The following KLHL1 variants were observed in gnomAD, a reference collection of about 807,000 sequenced individuals.
KLHL1 encodes kelch-like protein 1.
Under a neutral mutation model 77.7 loss-of-function variants are expected in KLHL1, and 47 were observed. That is an observed-to-expected ratio of 0.60 (90% CI 0.48 to 0.77). The LOEUF (loss-of-function observed/expected upper bound fraction) is 0.77, where lower values mean the gene tolerates loss of function less well. KLHL1 is among the 30% of genes least tolerant of loss of function. The probability of loss-of-function intolerance (pLI) is 0.00; values close to 1 mark genes in which losing one functional copy is unlikely to be tolerated. For missense variants in KLHL1, 925 were observed against 910.8 expected, an observed-to-expected ratio of 1.02 and a Z score of -0.20; for synonymous variants, 360 against 325.2, an observed-to-expected ratio of 1.11 and a Z score of -1.15.
intron 5 of KLHL1, among the ~76,000 whole-genome samples, chr13:69,872,656 G>A (rs1000528851): frequency 2.0e-5 from 3 of 152,186 alleles, no homozygotes; most frequent in Non-Finnish European, 4.4e-5. Context: ...AATACTCCCA[G>A]TGGCCTCCTT....
intron 1 of KLHL1, among the ~76,000 whole-genome samples, chr13:70,018,734 A>AT (rs568605873): frequency 6.7e-6 from 1 of 149,900 alleles, no homozygotes; most frequent in Non-Finnish European, 1.5e-5. Flanking sequence ...AGAGGTCTAG[A>AT]TTTTTCCTTA....
At chr13:69,780,729 T>TAC (rs1413040099) in intron 7 of KLHL1, among the ~76,000 whole-genome samples, 7 of 67,640 alleles carry the variant, frequency 1.0e-4, no homozygotes, top group Admixed American at 1.6e-4. Context: ...TATATATATA[T>TAC]ATACATATAT....
chr13:69,806,865 C>A (rs865962249), intron 6 of KLHL1, among the ~76,000 whole-genome samples: 1 of 152,118 alleles, frequency 6.6e-6, no homozygotes, highest in African/African-American at 2.4e-5. Flanking sequence ...CAAGGAGGAA[C>A]AGGGGAGAAT....
intron 1 of KLHL1, among the ~76,000 whole-genome samples, chr13:70,005,631 A>G (rs1191336040): frequency 1.3e-5 from 2 of 151,936 alleles, no homozygotes; most frequent in African/African-American, 4.8e-5. Context: ...CATATGTACA[A>G]GATAAACACT....
At chr13:70,047,734 C>T (rs781110041) in intron 1 of KLHL1, among the ~76,000 whole-genome samples, 18 of 152,116 alleles carry the variant, frequency 1.2e-4, no homozygotes, top group Non-Finnish European at 2.5e-4. Context: ...ACATTCTTAA[C>T]TTCAAAATGT....
chr13:69,835,269 T>G (rs978180130), intron 6 of KLHL1, among the ~76,000 whole-genome samples: 1 of 152,150 alleles, frequency 6.6e-6, no homozygotes, highest in African/African-American at 2.4e-5. Flanking sequence ...TGCCCTCTAA[T>G]TCTAATACCA....
At chr13:70,050,317 A>G (rs1289325124) in intron 1 of KLHL1, among the ~76,000 whole-genome samples, 3 of 151,914 alleles carry the variant, frequency 2.0e-5, no homozygotes, top group African/African-American at 7.2e-5. Context: ...TCTTCAGAAG[A>G]AGCTTCTACC....
At chr13:69,916,703 C>G (rs1192740714) in intron 4 of KLHL1, among the ~76,000 whole-genome samples, 1 of 151,336 alleles carries the variant, frequency 6.6e-6, no homozygotes, top group African/African-American at 2.4e-5. Flanking sequence ...AACAAACCTG[C>G]ACATTGTGCA....
intron 6 of KLHL1, among the ~76,000 whole-genome samples, chr13:69,801,294 A>G (rs542501283): frequency 1.3e-5 from 2 of 152,320 alleles, no homozygotes; most frequent in Admixed American, 6.5e-5. Flanking sequence ...ACTGATTAAG[A>G]GGAGGCAGAA....
At chr13:69,942,885 T>C (rs549820638) in intron 3 of KLHL1, among the ~76,000 whole-genome samples, 1 of 152,268 alleles carries the variant, frequency 6.6e-6, no homozygotes, top group South Asian at 2.1e-4. Flanking sequence ...GTAGCTTTCT[T>C]TGATTTTTTA....
chr13:69,767,188 T>C (rs940828018), intron 7 of KLHL1, among the ~76,000 whole-genome samples: 1 of 152,168 alleles, frequency 6.6e-6, no homozygotes, highest in Non-Finnish European at 1.5e-5. Context: ...TAGCGTGACT[T>C]TTTGTTTCAG....
At chr13:70,031,499 A>C (rs915852304) in intron 1 of KLHL1, among the ~76,000 whole-genome samples, 2 of 152,244 alleles carry the variant, frequency 1.3e-5, no homozygotes, top group Non-Finnish European at 2.9e-5. Context: ...AATGGTCTAG[A>C]GAAAAATATT....
intron 7 of KLHL1, among the ~76,000 whole-genome samples, chr13:69,772,539 A>T (rs1875622878): frequency 6.6e-6 from 1 of 152,186 alleles, no homozygotes; most frequent in Non-Finnish European, 1.5e-5. Flanking sequence ...AATGAACTAA[A>T]TTGAATTAAA....
intron 1 of KLHL1, among the ~76,000 whole-genome samples, chr13:70,000,537 C>A (rs988974657): frequency 1.3e-5 from 2 of 151,832 alleles, no homozygotes; most frequent in African/African-American, 4.8e-5. Flanking sequence ...TCTTTTCACA[C>A]GTATTTGGAA....
chr13:69,757,489 T>C (rs951806442), intron 7 of KLHL1, among the ~76,000 whole-genome samples: 1 of 152,188 alleles, frequency 6.6e-6, no homozygotes, highest in Non-Finnish European at 1.5e-5. Context: ...CCATATAACT[T>C]AATATGTCAG....
intron 9 of KLHL1, among the ~76,000 whole-genome samples, chr13:69,717,589 C>T (rs1872823194): frequency 6.6e-6 from 1 of 152,066 alleles, no homozygotes. Flanking sequence ...CATTTCAATA[C>T]ATTATAAAGT....
At chr13:69,889,265 T>G (rs1881337318) in intron 4 of KLHL1, among the ~76,000 whole-genome samples, 1 of 152,004 alleles carries the variant, frequency 6.6e-6, no homozygotes, top group East Asian at 1.9e-4. Context: ...TTTTAATCCC[T>G]TTGTCAAAGT....
chr13:69,781,208 A>G (rs1876176468), intron 7 of KLHL1, among the ~76,000 whole-genome samples: 1 of 151,006 alleles, frequency 6.6e-6, no homozygotes, highest in South Asian at 2.1e-4. Flanking sequence ...TTTTTCCTCT[A>G]CCTTTCCTGA....
At chr13:69,978,148 A>C (rs1191739846) in intron 1 of KLHL1, among the ~76,000 whole-genome samples, 1 of 152,140 alleles carries the variant, frequency 6.6e-6, no homozygotes, top group Non-Finnish European at 1.5e-5. Context: ...AGAACAGCAG[A>C]ATTCTTCCAC....
Sources: gnomAD v4.1 joint callset for allele counts (sites outside exome capture counted in the v4.1 genomes callset) on GRCh38, gnomAD v4.1.1 for gene constraint, MANE v1.5 for transcripts, NCBI Gene and HGNC (gene_info 2026-07-23, HGNC 2026-07-21) for gene names.